OPRM1: variants seen among roughly 807,000 people sequenced by gnomAD.
OPRM1 encodes opioid receptor mu 1.
A neutral mutation model predicts 31.8 loss-of-function variants in OPRM1; 27 were observed. The ratio of observed to expected loss-of-function variants is 0.85; its 90% CI spans 0.63 to 1.17. OPRM1 has a LOEUF of 1.17. Ranked by LOEUF, OPRM1 falls within the 50% of genes most tolerant of loss-of-function variation. The pLI is 0.00. For missense variants in OPRM1, 536 were observed against 511.1 expected, an observed-to-expected ratio of 1.05 and a Z score of -0.47; for synonymous variants, 196 against 189.9, an observed-to-expected ratio of 1.03 and a Z score of -0.26.
intron 1 of OPRM1, among the ~76,000 whole-genome samples, chr6:154,053,599 C>T (rs1011853431): frequency 1.3e-5 from 2 of 152,270 alleles, no homozygotes; most frequent in South Asian, 4.1e-4. Flanking sequence ...AATCCCTTGA[C>T]TTCTTGTCTA....
intron 3 of OPRM1, among the ~76,000 whole-genome samples, chr6:154,225,199 T>G (rs1336309032): frequency 4.6e-5 from 7 of 152,184 alleles, no homozygotes. Context: ...ATCATGTTGG[T>G]GCTCAAAAAC....
intron 3 of OPRM1, among the ~76,000 whole-genome samples, chr6:154,145,000 A>AT (rs1459934371): frequency 2.0e-5 from 3 of 152,060 alleles, no homozygotes; most frequent in Non-Finnish European, 2.9e-5. Context: ...AGATTTAAAA[A>AT]ATATATATAC....
At position 154,122,933 on chromosome 6, in the gene OPRM1, C is replaced by T. The variant is rs1378600014; in HGVS notation, c.*4212C>T. Among the ~76,000 whole-genome samples, 1 of 152,102 alleles carries T rather than the reference C, an allele frequency of 6.6e-6. No homozygotes were observed. Among genetic ancestry groups the T allele is most frequent in the African/African-American group, 2.4e-5 (1 of 41,418 alleles). On this transcript the variant is annotated 3_prime_UTR_variant, in exon 4 of 4. Coordinates refer to ENST00000330432, the MANE Select transcript of OPRM1 (RefSeq NM_000914.5). ...AGTGAAATGGGTCAGGATCAATGGT[C>T]TCATTGTCTAAGGTGTTATCCGAGC... is the stretch of plus-strand genomic sequence containing the variant.
chr6:154,113,028 A>G (rs1796504800), intron 3 of OPRM1, among the ~76,000 whole-genome samples: 1 of 152,200 alleles, frequency 6.6e-6, no homozygotes, highest in Non-Finnish European at 1.5e-5. Flanking sequence ...GGATTGCTCC[A>G]CCATACCGTG....
At position 154,243,647 on chromosome 6, in the gene OPRM1, T is replaced by A. The variant is rs552812754; in HGVS notation, c.1165-3046T>A. Among the ~76,000 whole-genome samples the A allele has an allele frequency of 2.6e-4, 40 of 152,322 alleles. No individual in the cohort carries two copies. In the South Asian group the frequency reaches 6.8e-3, roughly 26 times the overall value. On this transcript the variant is annotated intron_variant, in intron 3 of 3. Transcript: ENST00000337049. ...CTAAATTTCATTTCCAGAGCTGTTC[T>A]CTCAGAACCCGTTGAAGGCAGAAAA... is the stretch of plus-strand genomic sequence containing the variant.
intron 3 of OPRM1, among the ~76,000 whole-genome samples, chr6:154,118,233 G>A (rs982783189): frequency 2.0e-5 from 3 of 152,002 alleles, no homozygotes; most frequent in Non-Finnish European, 4.4e-5. Flanking sequence ...TTAATTTTGA[G>A]AATTGGGTAA....
chr6:154,117,600 G>A (rs555809306), intron 3 of OPRM1, among the ~76,000 whole-genome samples: 1 of 152,184 alleles, frequency 6.6e-6, no homozygotes, highest in Non-Finnish European at 1.5e-5. Context: ...CCTCCCCTAC[G>A]ATCAAGCAGC....
At chr6:154,200,748 G>T (rs1357705120) in intron 3 of OPRM1, among the ~76,000 whole-genome samples, 4 of 152,058 alleles carry the variant, frequency 2.6e-5, no homozygotes, top group Non-Finnish European at 5.9e-5. Context: ...GCAAAAGCTG[G>T]AGCCATTCCA....
At chr6:154,056,672 G>C (rs905494715) in intron 1 of OPRM1, among the ~76,000 whole-genome samples, 8 of 151,862 alleles carry the variant, frequency 5.3e-5, no homozygotes, top group African/African-American at 1.9e-4. Context: ...TCAATGGAAG[G>C]GAAGGCCTCT....
At chr6:154,195,146 T>C (rs2128585981) in intron 3 of OPRM1, among the ~76,000 whole-genome samples, 1 of 131,594 alleles carries the variant, frequency 7.6e-6, no homozygotes, top group South Asian at 2.4e-4. Context: ...TTCTTTTCTT[T>C]CTTTTTTTTT....
chr6:154,107,677 T>G (rs1029058173), intron 3 of OPRM1: 4 of 718,438 alleles, frequency 5.6e-6, no homozygotes, highest in African/African-American at 3.5e-5. Flanking sequence ...CAAGAGAAGG[T>G]ACTGCCGTGT....
chr6:154,109,784 C>CTGTG (rs1202510340), intron 3 of OPRM1, among the ~76,000 whole-genome samples: 5 of 121,526 alleles, frequency 4.1e-5, no homozygotes, highest in African/African-American at 1.4e-4. Flanking sequence ...CTCTCTCTCT[C>CTGTG]TCTCTCTCTG....
intron 1 of OPRM1, among the ~76,000 whole-genome samples, chr6:154,089,585 C>CAA (rs5881062): frequency 0.11 from 14,276 of 129,356 alleles, 904 homozygotes; most frequent in Admixed American, 0.17. Flanking sequence ...AGATCCTATC[C>CAA]AAAAAAAAAA....
rs191251796 is a variant in OPRM1, at chr6:154,057,673, A to G, written c.290+17839A>G. 2.6e-5 allele frequency among the ~76,000 whole-genome samples: 4 copies of G among 152,368 alleles called. No individual in the cohort carries two copies. In the East Asian group the frequency reaches 5.8e-4, roughly 22 times the overall value. On this transcript the variant is annotated intron_variant, in intron 1 of 3. Transcript: ENST00000330432. Reference sequence around the variant, plus strand: ...TTTATAAGTATTTTTCTCAAAGTAGATATTGTAAAAATTTTACAAATAGTA... The same window carrying G: ...TTTATAAGTATTTTTCTCAAAGTAGGTATTGTAAAAATTTTACAAATAGTA...
intron 1 of OPRM1, among the ~76,000 whole-genome samples, chr6:154,075,195 A>T (rs1174840326): frequency 1.3e-5 from 2 of 152,212 alleles, no homozygotes; most frequent in Non-Finnish European, 2.9e-5. Context: ...AAAGTGAACA[A>T]AAACTACTTT....
In OPRM1 at chr6:154,195,204, G is replaced by A. The variant is rs186461896; in HGVS notation, c.1165-51489G>A. Among the ~76,000 whole-genome samples the A allele has an allele frequency of 1.5e-3, 220 of 143,030 alleles. 1 individual carries two copies. Among genetic ancestry groups the A allele is most frequent in the African/African-American group, 5.5e-3 (208 of 37,736 alleles). The allele number at this position is 143,030 out of a possible 152,430, so 93.8% of individuals were successfully genotyped here. ...GCTCTGTCACCCAGGCTGGAGTGCA[G>A]TGGCACGATCTCGGCTCACTGCAAT... is the stretch of plus-strand genomic sequence containing the variant. On this transcript the variant is annotated intron_variant, in intron 3 of 3. Transcript: ENST00000337049.
chr6:154,201,075 C>T (rs575471535), intron 3 of OPRM1, among the ~76,000 whole-genome samples: 1 of 152,298 alleles, frequency 6.6e-6, no homozygotes, highest in South Asian at 2.1e-4. Flanking sequence ...CTTTCTGCTG[C>T]CACCATGTAA....
chr6:154,162,662 G>A (rs1432446086), intron 3 of OPRM1, among the ~76,000 whole-genome samples: 2 of 151,874 alleles, frequency 1.3e-5, no homozygotes, highest in East Asian at 3.9e-4. Flanking sequence ...CTTCTCACTG[G>A]AGTGTTCTAA....
intron 3 of OPRM1, among the ~76,000 whole-genome samples, chr6:154,244,287 T>G (rs1009411674): frequency 1.9e-5 from 2 of 107,846 alleles, no homozygotes; most frequent in African/African-American, 8.2e-5. Context: ...TAAGATTCGG[T>G]GTGTGTGTGG....
Sources: allele counts gnomAD v4.1 joint callset (sites outside exome capture counted in the v4.1 genomes callset), GRCh38; gene constraint gnomAD v4.1.1; transcripts MANE v1.5; gene names NCBI Gene and HGNC (gene_info 2026-07-23, HGNC 2026-07-21).